ELOB: variants seen among roughly 807,000 people sequenced by gnomAD.
ELOB encodes the protein elongin-B.
Under a neutral mutation model 12.9 loss-of-function variants are expected in ELOB, and 3 were observed. The observed-to-expected ratio is 0.23, with a 90% CI of 0.11 to 0.60. The LOEUF (loss-of-function observed/expected upper bound fraction) is 0.60. Among genes scored for constraint, ELOB ranks in the 20% least tolerant of loss-of-function variants. ELOB has a pLI of 0.89. For missense variants in ELOB, 126 were observed against 159.2 expected (o/e 0.79, Z 1.12); for synonymous variants, 84 against 67.4 (o/e 1.25, Z -1.21).
At position 2,776,546 on chromosome 16, in the gene ELOB, T is replaced by A. The variant is rs78880023; in HGVS notation, c.138+447A>T. On this transcript the variant is annotated intron_variant, in intron 2 of 3. Transcript: ENST00000409906. ...GGTGAAGAACGAGTGGGACCTGACTTTCTTTGCATTCACTGAGTTCCCCAC... is the reference window on the plus strand; with the variant it reads ...GGTGAAGAACGAGTGGGACCTGACTATCTTTGCATTCACTGAGTTCCCCAC... 7.0e-3 allele frequency among the ~76,000 whole-genome samples: 1,065 copies of A among 152,316 alleles called. 15 individuals are homozygous for A. Among genetic ancestry groups the A allele is most frequent in the African/African-American group, 0.025 (1,032 of 41,578 alleles).
At chr16:2,775,658 T>C in intron 2 of ELOB, 102 bp from the exon 3 acceptor site, 1 of 851,418 alleles carries the variant, frequency 1.2e-6, no homozygotes, top group Non-Finnish European at 1.8e-6. Context: ...GAAGAGAGAG[T>C]TCCCTCAGTG....
rs374840051 is a variant in ELOB, at chr16:2,772,060, G to A, written c.287C>T (p.Pro96Leu). The A allele has an allele frequency of 6.2e-6, 10 of 1,612,750 alleles. No homozygotes were observed. The highest frequency in any genetic ancestry group is 7.6e-6 in the Non-Finnish European group (9 of 1,179,334). ...CTTCATCACATCGGGCAGCTCTGGC[G>A]GGCTGGAAAACGGCTCGATGCACAG... ...EALCIEPFSS[P>L]PELPDVMKPQ... The change falls in exon 4 of 4, where the codon CCG (proline) becomes CTG (leucine). Residue 96 changes from proline (P) to leucine (L), a missense_variant. Physicochemically the swap from Pro to Leu is moderately conservative, Grantham distance 98. Transcript: ENST00000409906.
rs764132351 is a variant in ELOB, at chr16:2,771,504, G to C, written c.*486C>G. 5.6e-6 allele frequency: 9 copies of C among 1,614,194 alleles called. No homozygotes were observed. Among genetic ancestry groups the C allele is most frequent in the Middle Eastern group, 1.6e-4 (1 of 6,062 alleles). On this transcript the variant is annotated 3_prime_UTR_variant, in exon 4 of 4. Transcript: ENST00000409906. ...CCCCAGCGTGGGTGGACCTGTGTGG[G>C]TCCGTCTTGGGGTTCCCTCGTTGAA...
chr16:2,775,488 T>C lies in ELOB; in HGVS notation c.207A>G (p.Pro69=). 1.2e-6 allele frequency: 2 copies of C among 1,606,684 alleles called. No homozygotes were observed. The highest frequency in any genetic ancestry group is 1.1e-5 in the South Asian group (1 of 90,974). The change falls in exon 3 of 4, where the codon CCA becomes CCG. Residue 69 remains proline, a synonymous_variant. Coordinates refer to ENST00000409906, the MANE Select transcript of ELOB (RefSeq NM_007108.4). ...CCAGCCCCACTGTGGCTGGGGCCTG[T>C]GGCCGTGCTGTTTGACTGGTGAAGC... ...ECGFTSQTAR[P]QAPATVGLAF... is the part of the protein sequence containing the mutation.
chr16:2,772,012 G>C lies in ELOB; in HGVS notation c.335C>G (p.Ala112Gly). The stretch of plus-strand genomic sequence containing the variant: ...TCCTCACTGCACGGCTTGTTCATTG[G>C]CACTGCTTCCCGAGTCCTGGGGCTT... ...VMKPQDSGSSANEQAVQ is the reference protein window; with the variant it reads ...VMKPQDSGSSGNEQAVQ Residue 112 changes from alanine to glycine, a missense_variant, in exon 4 of 4, where the codon GCC (alanine) becomes GGC (glycine). By Grantham distance (60) the Ala-to-Gly change is moderately conservative (BLOSUM62 0). Coordinates refer to ENST00000409906, the MANE Select transcript of ELOB (RefSeq NM_007108.4). 1.2e-6 allele frequency: 2 copies of C among 1,612,914 alleles called. No homozygotes were observed. Among genetic ancestry groups the C allele is most frequent in the Non-Finnish European group, 8.5e-7 (1 of 1,179,598 alleles).
At position 2,775,440 on chromosome 16, in the gene ELOB, G is replaced by A; in HGVS notation, c.244+11C>T. 1.9e-6 allele frequency: 3 copies of A among 1,586,398 alleles called. No homozygotes were observed. The South Asian group carries it at 3.3e-5, about 18-fold the overall frequency. ...GCTACCACCCAGCCCAGTGGGTGGTGGGCCTCTCACCTGCCCGGAAGGCCA... is the reference window on the plus strand; with the variant it reads ...GCTACCACCCAGCCCAGTGGGTGGTAGGCCTCTCACCTGCCCGGAAGGCCA... On this transcript the variant is annotated intron_variant, in intron 3 of 3. Coordinates refer to ENST00000409906, the MANE Select transcript of ELOB (RefSeq NM_007108.4).
Position 2,771,515 on chromosome 16 carries a change from G to T in ELOB, c.*475C>A. 1 of 1,614,182 alleles carries T rather than the reference G, an allele frequency of 6.2e-7. No individual in the cohort carries two copies. The highest frequency in any genetic ancestry group is 8.5e-7 in the Non-Finnish European group (1 of 1,180,038). On this transcript the variant is annotated 3_prime_UTR_variant, in exon 4 of 4. Coordinates refer to ENST00000409906, the MANE Select transcript of ELOB (RefSeq NM_007108.4). ...GTGGACCTGTGTGGGTCCGTCTTGGGGTTCCCTCGTTGAACATGCTGTCAA... is the reference window on the plus strand; with the variant it reads ...GTGGACCTGTGTGGGTCCGTCTTGGTGTTCCCTCGTTGAACATGCTGTCAA...
chr16:2,773,018 G>A (rs1014876528), intron 3 of ELOB, among the ~76,000 whole-genome samples: 9 of 152,296 alleles, frequency 5.9e-5, no homozygotes, highest in East Asian at 1.9e-4. Context: ...CACTCTGGGC[G>A]TAGGGGCACT....
In ELOB at chr16:2,771,802, C is replaced by T; in HGVS notation, c.*188G>A. 6.9e-7 allele frequency: 1 copy of T among 1,453,288 alleles called. No homozygotes were observed. Among genetic ancestry groups the T allele is most frequent in the Non-Finnish European group, 9.0e-7 (1 of 1,107,490 alleles). The allele number at this position is 1,453,288 out of a possible 1,614,324, so 90.0% of individuals were successfully genotyped here. A position where few individuals can be genotyped will look rare whatever the true frequency, so the allele number is the denominator to read the frequency against. Reference sequence around the variant, plus strand: ...CCCCATGGTGCCTTTAAGCAGCAGGCTGGGCCAAGTTCTCAGCCAGGGTCT... The same window carrying T: ...CCCCATGGTGCCTTTAAGCAGCAGGTTGGGCCAAGTTCTCAGCCAGGGTCT... On this transcript the variant is annotated 3_prime_UTR_variant, in exon 4 of 4. Coordinates refer to ENST00000409906, the MANE Select transcript of ELOB (RefSeq NM_007108.4).
At chr16:2,773,300 G>T (rs189413701) in intron 3 of ELOB, among the ~76,000 whole-genome samples, 3 of 152,162 alleles carry the variant, frequency 2.0e-5, no homozygotes, top group South Asian at 4.1e-4. Context: ...CCTGGGATAC[G>T]GCTCCACGTG....
chr16:2,774,293 C>T (rs1216622052), intron 3 of ELOB, among the ~76,000 whole-genome samples: 1 of 152,234 alleles, frequency 6.6e-6, no homozygotes, highest in African/African-American at 2.4e-5. Context: ...GCCAGCCCTG[C>T]ACCTGACTCT....
At chr16:2,772,157 G>A (rs1596301828) in intron 3 of ELOB, 55 bp from the exon 4 acceptor site, 1 of 1,509,952 alleles carries the variant, frequency 6.6e-7, no homozygotes, top group Non-Finnish European at 8.9e-7. Flanking sequence ...GCCCCAGCTG[G>A]GGCCTTGGTG....
Position 2,771,832 on chromosome 16 carries a change from A to G in ELOB, c.*158T>C. 6.9e-7 allele frequency: 1 copy of G among 1,452,932 alleles called. No individual in the cohort carries two copies. 90.0% of individuals were successfully genotyped at this position (1,452,932 alleles called of 1,614,324 possible). A position where few individuals can be genotyped will look rare whatever the true frequency, so the allele number is the denominator to read the frequency against. ...CCAAGTTCTCAGCCAGGGTCTCAGGATCTGGGAGACAGGACAGCACAGGAA... is the reference window on the plus strand; with the variant it reads ...CCAAGTTCTCAGCCAGGGTCTCAGGGTCTGGGAGACAGGACAGCACAGGAA... On this transcript the variant is annotated 3_prime_UTR_variant, in exon 4 of 4. Coordinates refer to ENST00000409906, the MANE Select transcript of ELOB (RefSeq NM_007108.4).
chr16:2,771,909 G>A lies in ELOB; in HGVS notation c.*81C>T. 1.3e-6 allele frequency: 2 copies of A among 1,527,826 alleles called. No individual in the cohort carries two copies. The highest frequency in any genetic ancestry group is 2.0e-5 in the Admixed American group (1 of 48,932). 94.6% of individuals were successfully genotyped at this position (1,527,826 alleles called of 1,614,324 possible). A position where few individuals can be genotyped will look rare whatever the true frequency, so the allele number is the denominator to read the frequency against. On this transcript the variant is annotated 3_prime_UTR_variant, in exon 4 of 4. Coordinates refer to ENST00000409906, the MANE Select transcript of ELOB (RefSeq NM_007108.4). ...CCCACAGGGAGTGGGACCCATCCCA[G>A]GGAGGGGCGGGAAAAAGAGGCAGCA...
intron 3 of ELOB, among the ~76,000 whole-genome samples, chr16:2,773,453 G>A (rs147586068): frequency 1.5e-3 from 228 of 152,262 alleles, no homozygotes; most frequent in African/African-American, 5.2e-3. Flanking sequence ...GTGATGAGCC[G>A]GGACAATGCC....
At chr16:2,776,623 G>A (rs1269282951) in intron 2 of ELOB, among the ~76,000 whole-genome samples, 1 of 152,230 alleles carries the variant, frequency 6.6e-6, no homozygotes, top group African/African-American at 2.4e-5. Context: ...ATGGGCCTGC[G>A]AAGAAGGGTG....
At chr16:2,773,170 T>A (rs11646257) in intron 3 of ELOB, among the ~76,000 whole-genome samples, 133 of 152,116 alleles carry the variant, frequency 8.7e-4, no homozygotes, top group Admixed American at 1.6e-3. Flanking sequence ...GACCCATCTC[T>A]GCTTGGCTCA....
intron 3 of ELOB, 164 bp from the exon 4 acceptor site, chr16:2,772,266 C>T: frequency 1.2e-6 from 1 of 804,992 alleles, no homozygotes; most frequent in Non-Finnish European, 1.8e-6. Flanking sequence ...CCAGCTACCC[C>T]CGTGGCCCCA....
At position 2,775,540 on chromosome 16, in the gene ELOB, T is replaced by G; in HGVS notation, c.155A>C (p.Asp52Ala). 6.2e-7 allele frequency: 1 copy of G among 1,608,882 alleles called. No individual in the cohort carries two copies. The highest frequency in any genetic ancestry group is 8.5e-7 in the Non-Finnish European group (1 of 1,179,732). The change falls in exon 3 of 4, where the codon GAT (aspartate) becomes GCT (alanine). Residue 52 changes from aspartate (D) to alanine (A), a missense_variant. Transcript: ENST00000409906. ...QRLYKDDQLL[D>A]DGKTLGECGF... ...ACACTCGCCCAGTGTCTTGCCATCATCCAAGAGTTGGTCATCCTGAGGAGA... is the reference window on the plus strand; with the variant it reads ...ACACTCGCCCAGTGTCTTGCCATCAGCCAAGAGTTGGTCATCCTGAGGAGA...
Sources: allele counts gnomAD v4.1 joint callset (sites outside exome capture counted in the v4.1 genomes callset), GRCh38; gene constraint gnomAD v4.1.1; transcripts MANE v1.5; gene names NCBI Gene and HGNC (gene_info 2026-07-23, HGNC 2026-07-21).